Variants in DNAH14 observed in about 807,000 individuals in gnomAD.
DNAH14 encodes axonemal beta dynein heavy chain 14.
DNAH14 carries 478 observed loss-of-function variants against 520.9 expected under a neutral mutation model. That is an observed-to-expected ratio of 0.92 (90% CI 0.85 to 0.99). DNAH14 has a LOEUF of 0.99. Ranked by LOEUF, DNAH14 falls within the 50% of genes least tolerant of loss-of-function variation. DNAH14 has a pLI of 0.00. For missense variants in DNAH14, 4,831 were observed against 5,234.5 expected (o/e 0.92, Z 2.38); for synonymous variants, 1,581 against 1,757.2 (o/e 0.90, Z 2.51).
chr1:225,156,709 C>CTTTTTTT (rs71170061), intron 34 of DNAH14, among the ~76,000 whole-genome samples: 2,190 of 68,162 alleles, frequency 0.032, 207 homozygotes, highest in Non-Finnish European at 0.045. Context: ...TCTTAAAATT[C>CTTTTTTT]TTTTTTTTTT....
In DNAH14 at chr1:225,358,621, C is replaced by G. The variant is rs1181423174; in HGVS notation, c.11745C>G (p.Ala3915=). ...NLKDAYKGSN[A]RTPLILIQTH... ...AAGATGCATATAAAGGATCCAATGCCAGAACTCCGCTGATACTTATTCAAA... is the reference window on the plus strand; with the variant it reads ...AAGATGCATATAAAGGATCCAATGCGAGAACTCCGCTGATACTTATTCAAA... Residue 3915 remains alanine, a synonymous_variant, in exon 74 of 86, where the codon GCC becomes GCG. Transcript: ENST00000682510. The G allele has an allele frequency of 3.2e-6, 5 of 1,547,646 alleles. No homozygotes were observed. The South Asian group carries it at 6.0e-5, about 19-fold the overall frequency.
chr1:225,097,085 G>T, intron 21 of DNAH14, 33 bp from the exon 22 acceptor site: 1 of 1,487,418 alleles, frequency 6.7e-7, no homozygotes, highest in Non-Finnish European at 9.0e-7. Flanking sequence ...TATATATTTA[G>T]ATTTGTATGT....
chr1:225,244,163 T>C (rs1342478596), intron 43 of DNAH14, among the ~76,000 whole-genome samples: 1 of 152,166 alleles, frequency 6.6e-6, no homozygotes, highest in Non-Finnish European at 1.5e-5. Flanking sequence ...GATTATTGAT[T>C]TGTGTATGGT....
intron 12 of DNAH14, among the ~76,000 whole-genome samples, chr1:225,040,422 A>G (rs1282656003): frequency 6.6e-6 from 1 of 152,194 alleles, no homozygotes; most frequent in Non-Finnish European, 1.5e-5. Flanking sequence ...TTACTTTCGT[A>G]TATGTATATT....
At chr1:225,381,148 A>G (rs1437051148) in intron 80 of DNAH14, among the ~76,000 whole-genome samples, 4 of 152,180 alleles carry the variant, frequency 2.6e-5, no homozygotes, top group Non-Finnish European at 1.5e-5. Context: ...GCATCCACAC[A>G]TAGTAGATAG....
At chr1:225,262,711 T>A (rs1205089640) in intron 46 of DNAH14, among the ~76,000 whole-genome samples, 1 of 152,102 alleles carries the variant, frequency 6.6e-6, no homozygotes, top group Non-Finnish European at 1.5e-5. Context: ...ATGTGTCTAC[T>A]TTTATACCAG....
intron 73 of DNAH14, among the ~76,000 whole-genome samples, chr1:225,358,225 C>G (rs774095020): frequency 2.6e-5 from 4 of 152,138 alleles, no homozygotes; most frequent in Non-Finnish European, 5.9e-5. Context: ...TAACTTGGAT[C>G]TTTACAAACA....
intron 35 of DNAH14, among the ~76,000 whole-genome samples, chr1:225,164,382 C>T (rs994116701): frequency 3.3e-5 from 5 of 152,012 alleles, no homozygotes; most frequent in African/African-American, 1.2e-4. Flanking sequence ...GTTTTTCAAA[C>T]TTTCTATATC....
At chr1:225,321,388 A>G (rs2094553057) in intron 61 of DNAH14, among the ~76,000 whole-genome samples, 2 of 152,198 alleles carry the variant, frequency 1.3e-5, no homozygotes, top group Non-Finnish European at 2.9e-5. Flanking sequence ...AAGTTTACCT[A>G]TATAACCAAC....
At chr1:225,078,823 TCC>T (rs1558883404) in intron 17 of DNAH14, among the ~76,000 whole-genome samples, 15 of 64,782 alleles carry the variant, frequency 2.3e-4, no homozygotes, top group East Asian at 4.8e-4. Context: ...TCTCTCTCTC[TCC>T]CTCTCTCTCT....
intron 11 of DNAH14, among the ~76,000 whole-genome samples, chr1:225,032,200 TAA>T (rs1016031615): frequency 1.3e-5 from 2 of 152,056 alleles, no homozygotes; most frequent in Admixed American, 1.3e-4. Flanking sequence ...CAATACCCAA[TAA>T]TGATCTTTTC....
chr1:225,000,465 A>AT (rs113602350), intron 8 of DNAH14, among the ~76,000 whole-genome samples: 8,252 of 139,800 alleles, frequency 0.059, 466 homozygotes, highest in East Asian at 0.24. Flanking sequence ...TTCTTCAAGT[A>AT]TTTTTTTTTT....
intron 27 of DNAH14, among the ~76,000 whole-genome samples, chr1:225,126,985 C>G (rs1377141748): frequency 6.6e-6 from 1 of 151,178 alleles, no homozygotes; most frequent in Non-Finnish European, 1.5e-5. Context: ...CATTCAGGAG[C>G]AGGTTGTTCA....
chr1:225,250,157 T>G (rs1315269917), intron 43 of DNAH14, among the ~76,000 whole-genome samples: 1 of 152,212 alleles, frequency 6.6e-6, no homozygotes. Flanking sequence ...CTGCCAAACT[T>G]TTTTCCAAAA....
In DNAH14 at chr1:225,308,347, G is replaced by C; in HGVS notation, c.9177G>C (p.Met3059Ile). 1.9e-6 allele frequency: 3 copies of C among 1,543,756 alleles called. No individual in the cohort carries two copies. Among genetic ancestry groups the C allele is most frequent in the Non-Finnish European group, 2.6e-6 (3 of 1,144,698 alleles). Residue 3059 changes from methionine (M) to isoleucine (I), a missense_variant, in exon 60 of 86, where the codon ATG (methionine) becomes ATC (isoleucine). Coordinates refer to ENST00000682510, the MANE Select transcript of DNAH14 (RefSeq NM_001367479.1). ...CACAAGTAGTTGAGAAAGTTCAGAT[G>C]CTTGTTAAACAGGATGAAGAAATTG... The part of the protein sequence containing the change: ...KDSQVVEKVQ[M>I]LVKQDEEIVA...
intron 1 of DNAH14, among the ~76,000 whole-genome samples, chr1:224,941,462 T>C (rs1425769626): frequency 1.3e-5 from 2 of 152,244 alleles, no homozygotes; most frequent in Admixed American, 1.3e-4. Context: ...TCTCTCATTC[T>C]GTAGGTTGCC....
At chr1:225,179,438 A>G (rs1457086534) in intron 36 of DNAH14, among the ~76,000 whole-genome samples, 1 of 152,162 alleles carries the variant, frequency 6.6e-6, no homozygotes, top group Non-Finnish European at 1.5e-5. Context: ...AATAAGTTAA[A>G]CTCATGACAA....
chr1:225,090,065 A>T (rs1473940494), intron 21 of DNAH14, among the ~76,000 whole-genome samples: 1 of 152,212 alleles, frequency 6.6e-6, no homozygotes, highest in Non-Finnish European at 1.5e-5. Flanking sequence ...AAAATCAAAC[A>T]AAATTTACAA....
chr1:225,164,013 G>A (rs1367560126), intron 35 of DNAH14, among the ~76,000 whole-genome samples: 2 of 152,092 alleles, frequency 1.3e-5, no homozygotes, highest in East Asian at 1.9e-4. Flanking sequence ...TATGTTCTGT[G>A]CCTATTGGGT....
Sources: allele counts gnomAD v4.1 joint callset (sites outside exome capture counted in the v4.1 genomes callset), GRCh38; gene constraint gnomAD v4.1.1; transcripts MANE v1.5; gene names NCBI Gene and HGNC (gene_info 2026-07-23, HGNC 2026-07-21).